The following HIBCH variants were observed in gnomAD, a reference collection of about 807,000 sequenced individuals.
HIBCH encodes 3-hydroxyisobutyryl-CoA hydrolase.
A neutral mutation model predicts 58.2 loss-of-function variants in HIBCH; 50 were observed. That is an observed-to-expected ratio of 0.86 (90% CI 0.68 to 1.09). The LOEUF is 1.09. Among genes scored for constraint, HIBCH ranks in the 50% least tolerant of loss-of-function variants. The pLI, the probability that HIBCH is intolerant of heterozygous loss-of-function variation, is 0.00. For missense variants in HIBCH, 450 were observed against 449.7 expected (o/e 1.00, Z -0.01); for synonymous variants, 151 against 146.9 (o/e 1.03, Z -0.20).
intron 6 of HIBCH, among the ~76,000 whole-genome samples, chr2:190,274,210 T>C (rs755948484): frequency 3.3e-5 from 5 of 152,226 alleles, no homozygotes; most frequent in African/African-American, 4.8e-5. Flanking sequence ...CTGTCACTAA[T>C]AGCAAGAAAC....
At chr2:190,219,998 T>C (rs1381332577) in intron 11 of HIBCH, among the ~76,000 whole-genome samples, 1 of 152,212 alleles carries the variant, frequency 6.6e-6, no homozygotes, top group African/African-American at 2.4e-5. Context: ...CTACTCACCT[T>C]GGAAAGAGAG....
intron 6 of HIBCH, among the ~76,000 whole-genome samples, chr2:190,282,269 G>T (rs568869139): frequency 6.6e-6 from 1 of 152,232 alleles, no homozygotes; most frequent in African/African-American, 2.4e-5. Context: ...ACACAGACTA[G>T]GTAACTTATA....
At chr2:190,213,325 T>TA in intron 11 of HIBCH, 1 of 448,918 alleles carries the variant, frequency 2.2e-6, no homozygotes, top group Admixed American at 3.6e-5. Context: ...GTAGTTTGCT[T>TA]AGCATAAATT....
At chr2:190,248,188 T>C (rs948093708) in intron 9 of HIBCH, among the ~76,000 whole-genome samples, 2 of 152,174 alleles carry the variant, frequency 1.3e-5, no homozygotes, top group African/African-American at 4.8e-5. Context: ...GGCCTAGGAA[T>C]ATTTGTTTTT....
chr2:190,227,180 A>G (rs1320243041), intron 11 of HIBCH, among the ~76,000 whole-genome samples: 14 of 152,332 alleles, frequency 9.2e-5, no homozygotes, highest in African/African-American at 3.1e-4. Context: ...TTCAAACTAT[A>G]CTACAAGGCT....
At chr2:190,287,058 G>GTGTGTATA (rs10662510) in intron 6 of HIBCH, among the ~76,000 whole-genome samples, 2 of 147,684 alleles carry the variant, frequency 1.4e-5, no homozygotes, top group African/African-American at 5.1e-5. Flanking sequence ...GTGTGTGTGT[G>GTGTGTATA]TATACATATA....
intron 6 of HIBCH, among the ~76,000 whole-genome samples, chr2:190,270,719 CTA>C (rs1687372706): frequency 6.6e-6 from 1 of 152,134 alleles, no homozygotes; most frequent in Non-Finnish European, 1.5e-5. Context: ...ACTATTATGA[CTA>C]TTAAATAAGT....
intron 6 of HIBCH, among the ~76,000 whole-genome samples, chr2:190,278,451 G>A (rs1687617583): frequency 1.3e-5 from 2 of 152,194 alleles, no homozygotes; most frequent in African/African-American, 4.8e-5. Context: ...TGATCCGCCA[G>A]CCTAGGCCTC....
At chr2:190,289,793 GATACT>G (rs1159676463) in intron 5 of HIBCH, among the ~76,000 whole-genome samples, 1 of 152,058 alleles carries the variant, frequency 6.6e-6, no homozygotes, top group African/African-American at 2.4e-5. Context: ...ATTAGGAAAT[GATACT>G]ATACTTCATT....
In HIBCH at chr2:190,207,981, T is replaced by G. The variant is rs2105897549; in HGVS notation, c.1045+899A>C. Reference sequence around the variant, plus strand: ...AGGAACATTAGATATGCAAAATACATGCAGAGGGAACAACTCATTTTATAC... The same window carrying G: ...AGGAACATTAGATATGCAAAATACAGGCAGAGGGAACAACTCATTTTATAC... On this transcript the variant is annotated intron_variant, in intron 13 of 13. Transcript: ENST00000359678. This position sits in a 1 kb window ranked among gnomAD's most constrained non-coding sequence, Gnocchi z 4.5. Among the ~76,000 whole-genome samples the G allele has an allele frequency of 6.6e-6, 1 of 152,298 alleles. No homozygotes were observed. Among genetic ancestry groups the G allele is most frequent in the East Asian group, 1.9e-4 (1 of 5,192 alleles).
intron 4 of HIBCH, among the ~76,000 whole-genome samples, chr2:190,292,497 G>C (rs918434323): frequency 3.3e-5 from 5 of 152,178 alleles, no homozygotes; most frequent in Admixed American, 1.3e-4. Context: ...TTTTAGTAGA[G>C]ACGGGGTTTC....
At chr2:190,294,702 A>G (rs913797725) in intron 3 of HIBCH, 72 bp from the exon 4 acceptor site, 6 of 919,744 alleles carry the variant, frequency 6.5e-6, no homozygotes, top group East Asian at 2.4e-5. Flanking sequence ...ATGCATATGC[A>G]CATATATTCA....
In HIBCH at chr2:190,299,911, G is replaced by A. The variant is rs141505921; in HGVS notation, c.79-2958C>T. Among the ~76,000 whole-genome samples, 54 of 151,634 alleles carry A rather than the reference G, an allele frequency of 3.6e-4. 1 individual carries two copies. In the East Asian group the frequency reaches 8.7e-3, roughly 24 times the overall value. ...TTAGCTCCCACTTATAAGTGAGAAC[G>A]TGCGGTATCTGGTTTTCTGTTCCTG... On this transcript the variant is annotated intron_variant, in intron 2 of 13. Transcript: ENST00000359678.
intron 7 of HIBCH, 57 bp from the exon 8 acceptor site, chr2:190,252,364 T>C: frequency 5.5e-6 from 8 of 1,461,274 alleles, no homozygotes; most frequent in South Asian, 1.2e-5. Flanking sequence ...AAGATAAATA[T>C]AACCTTTTTG....
intron 6 of HIBCH, among the ~76,000 whole-genome samples, chr2:190,264,940 C>A (rs540909695): frequency 6.6e-6 from 1 of 151,720 alleles, no homozygotes; most frequent in Non-Finnish European, 1.5e-5. Flanking sequence ...CTAGCCAACA[C>A]GGTGAAACCC....
chr2:190,319,794 G>T lies in HIBCH; in HGVS notation c.-44C>A. ...TAAAGCAGCAGAGCGAGAATCTCCC[G>T]GACCGTTCCAGCGCCTCGCGTGAGC... On this transcript the variant is annotated 5_prime_UTR_variant, in exon 1 of 14. Transcript: ENST00000359678. 6.3e-7 allele frequency: 1 copy of T among 1,596,680 alleles called. No homozygotes were observed. The highest frequency in any genetic ancestry group is 8.5e-7 in the Non-Finnish European group (1 of 1,171,176).
intron 11 of HIBCH, among the ~76,000 whole-genome samples, chr2:190,222,274 G>C (rs1467583238): frequency 6.6e-6 from 1 of 152,154 alleles, no homozygotes; most frequent in Admixed American, 6.5e-5. Flanking sequence ...AATGGAGTCT[G>C]TCCCTGCTGG....
intron 6 of HIBCH, among the ~76,000 whole-genome samples, chr2:190,266,539 T>C (rs1687241494): frequency 6.6e-6 from 1 of 152,042 alleles, no homozygotes; most frequent in Admixed American, 6.5e-5. Flanking sequence ...GCTCAAGTGA[T>C]TCTCCTGCCT....
chr2:190,300,426 C>CT lies in HIBCH; in HGVS notation c.79-3474dup, dbSNP rs938353003. ...TTCTCTAATGATCAGTGATACTGAG[C>CT]TTTTTTTTTTTTAATATGTGGTTGG... On this transcript the variant is annotated intron_variant, in intron 2 of 13. Transcript: ENST00000359678. 2.1e-3 allele frequency among the ~76,000 whole-genome samples: 307 copies of CT among 143,408 alleles called. 3 individuals are homozygous for CT. Among genetic ancestry groups the CT allele is most frequent in the African/African-American group, 5.3e-3 (209 of 39,226 alleles). The allele number at this position is 143,408 out of a possible 152,430, so 94.1% of individuals were successfully genotyped here. A position where few individuals can be genotyped will look rare whatever the true frequency, so the allele number is the denominator to read the frequency against.
Sources: allele counts gnomAD v4.1 joint callset (sites outside exome capture counted in the v4.1 genomes callset), GRCh38; gene constraint gnomAD v4.1.1; non-coding constraint Gnocchi (gnomAD v3.1); transcripts MANE v1.5; gene names NCBI Gene and HGNC (gene_info 2026-07-23, HGNC 2026-07-21).